The following MEOX2 variants were observed in gnomAD, a reference collection of about 807,000 sequenced individuals.
MEOX2 encodes the protein homeobox protein MOX-2.
MEOX2 carries 11 observed loss-of-function variants against 27.0 expected under a neutral mutation model. The ratio of observed to expected loss-of-function variants is 0.41; its 90% CI spans 0.26 to 0.68. The LOEUF (loss-of-function observed/expected upper bound fraction) is 0.68. Ranked by LOEUF, MEOX2 falls within the 30% of genes least tolerant of loss-of-function variation. The pLI is 0.33. For missense variants in MEOX2, 436 were observed against 385.4 expected (o/e 1.13, Z -1.10); for synonymous variants, 189 against 155.4 (o/e 1.22, Z -1.61).
chr7:15,628,480 A>G (rs902379899), intron 1 of MEOX2, among the ~76,000 whole-genome samples: 6 of 151,512 alleles, frequency 4.0e-5, no homozygotes, highest in Non-Finnish European at 7.4e-5. Context: ...ACTATCTAAA[A>G]CTCTTCATTC....
intron 1 of MEOX2, among the ~76,000 whole-genome samples, chr7:15,653,838 A>C (rs1023262188): frequency 6.6e-6 from 1 of 151,998 alleles, no homozygotes. Context: ...AATACATCAA[A>C]ATAGAATCCG....
intron 1 of MEOX2, among the ~76,000 whole-genome samples, chr7:15,675,682 C>A (rs770473048): frequency 3.3e-5 from 5 of 152,100 alleles, no homozygotes; most frequent in Middle Eastern, 3.2e-3. Context: ...TATTTTGATT[C>A]TAATCATCTG....
chr7:15,674,556 C>CTGTG (rs55995772), intron 1 of MEOX2, among the ~76,000 whole-genome samples: 61 of 135,618 alleles, frequency 4.5e-4, no homozygotes, highest in East Asian at 9.9e-4. Context: ...ATAAAAGATT[C>CTGTG]TGTGTGTGTG....
chr7:15,672,444 A>G (rs975366279), intron 1 of MEOX2, among the ~76,000 whole-genome samples: 1 of 152,236 alleles, frequency 6.6e-6, no homozygotes, highest in Non-Finnish European at 1.5e-5. Context: ...CAGTTTCCAA[A>G]TTCTTAAAAA....
intron 2 of MEOX2, among the ~76,000 whole-genome samples, chr7:15,614,865 A>G (rs1781098096): frequency 6.6e-6 from 1 of 152,114 alleles, no homozygotes; most frequent in Admixed American, 6.6e-5. Flanking sequence ...CAAAGACATA[A>G]TTATATCAGT....
At chr7:15,639,432 T>C (rs1215607021) in intron 1 of MEOX2, among the ~76,000 whole-genome samples, 1 of 152,130 alleles carries the variant, frequency 6.6e-6, no homozygotes, top group Admixed American at 6.6e-5. Context: ...CTAGGTTTTC[T>C]GATTATTCAA....
chr7:15,663,621 G>A (rs573283414), intron 1 of MEOX2, among the ~76,000 whole-genome samples: 1 of 152,220 alleles, frequency 6.6e-6, no homozygotes, highest in Admixed American at 6.5e-5. Context: ...TTACAGGCGT[G>A]AGCCACCGCG....
chr7:15,670,293 G>C (rs1191012978), intron 1 of MEOX2, among the ~76,000 whole-genome samples: 4 of 152,174 alleles, frequency 2.6e-5, no homozygotes, highest in African/African-American at 9.7e-5. Flanking sequence ...TTGGTTGATA[G>C]ATGCAAGAAT....
At chr7:15,673,585 A>T (rs1782141703) in intron 1 of MEOX2, among the ~76,000 whole-genome samples, 1 of 136,804 alleles carries the variant, frequency 7.3e-6, no homozygotes, top group Admixed American at 7.7e-5. Flanking sequence ...GAATAGACAT[A>T]AACAAGTCTA....
Position 15,686,241 on chromosome 7 carries a change from G to C in MEOX2, c.162C>G (p.Pro54=), listed in dbSNP as rs745725675. 2.7e-5 allele frequency: 44 copies of C among 1,612,604 alleles called. No individual in the cohort carries two copies. The highest frequency in any genetic ancestry group is 1.6e-5 in the Non-Finnish European group (19 of 1,179,412). The change falls in exon 1 of 3, where the codon CCC becomes CCG. Residue 54 remains proline, a synonymous_variant. Coordinates refer to ENST00000262041, the MANE Select transcript of MEOX2 (RefSeq NM_005924.5). ...SSSSCIIAGY[P]NEEGMFASQH... ...GGCTGGCAAACATGCCCTCTTCGTT[G>C]GGGTATCCCGCGATTATGCAAGATG...
At chr7:15,620,277 A>G (rs1562595170) in intron 2 of MEOX2, among the ~76,000 whole-genome samples, 1 of 152,184 alleles carries the variant, frequency 6.6e-6, no homozygotes, top group South Asian at 2.1e-4. Flanking sequence ...GAAATATTCT[A>G]AAGTGTGGCT....
chr7:15,668,932 G>A (rs1390678682), intron 1 of MEOX2, among the ~76,000 whole-genome samples: 2 of 152,048 alleles, frequency 1.3e-5, no homozygotes, highest in East Asian at 1.9e-4. Context: ...CTATACATAC[G>A]CAAACTATTT....
chr7:15,612,181 C>T lies in MEOX2; in HGVS notation c.*206G>A, dbSNP rs1344270835. On this transcript the variant is annotated 3_prime_UTR_variant, in exon 3 of 3. Coordinates refer to ENST00000262041, the MANE Select transcript of MEOX2 (RefSeq NM_005924.5). Reference sequence around the variant, plus strand: ...ATCTGGAATATTCAAAGCAAGTTCACCTTCTCCATCTTCACTGTGGAAGCT... The same window carrying T: ...ATCTGGAATATTCAAAGCAAGTTCATCTTCTCCATCTTCACTGTGGAAGCT... 1.7e-6 allele frequency: 1 copy of T among 590,722 alleles called. No homozygotes were observed. The highest frequency in any genetic ancestry group is 3.0e-6 in the Non-Finnish European group (1 of 332,530). The allele number at this position is 590,722 out of a possible 1,614,324, so 36.6% of individuals were successfully genotyped here.
rs924464418 is a variant in MEOX2 at position 15,686,001 on chromosome 7, C to G, written c.402G>C (p.Leu134Phe). Residue 134 changes from leucine (L) to phenylalanine (F), a missense_variant, in exon 1 of 3, where the codon TTG becomes TTC. Leu to Phe is a conservative substitution (Grantham distance 22). Coordinates refer to ENST00000262041, the MANE Select transcript of MEOX2 (RefSeq NM_005924.5). ...PPVLCSNSSSLGSSTPTGAAC... is the reference protein window; with the variant it reads ...PPVLCSNSSSFGSSTPTGAAC... ...CGGCCCCAGTCGGGGTGCTGGAGCCCAAGCTGGAAGAGTTGGAGCACAGGA... is the reference window on the plus strand; with the variant it reads ...CGGCCCCAGTCGGGGTGCTGGAGCCGAAGCTGGAAGAGTTGGAGCACAGGA... 6.8e-6 allele frequency: 11 copies of G among 1,609,100 alleles called. No homozygotes were observed. The highest frequency in any genetic ancestry group is 2.2e-5 in the East Asian group (1 of 44,836).
chr7:15,618,693 A>T, intron 2 of MEOX2, among the ~76,000 whole-genome samples: 1 of 152,024 alleles, frequency 6.6e-6, no homozygotes, highest in Admixed American at 6.6e-5. Flanking sequence ...TATTAATATT[A>T]AATTAATATT....
Position 15,617,102 on chromosome 7 carries a change from C to T in MEOX2, c.691-4491G>A, listed in dbSNP as rs570837512. 3.9e-5 allele frequency among the ~76,000 whole-genome samples: 6 copies of T among 152,060 alleles called. No individual in the cohort carries two copies. The South Asian group carries it at 1.2e-3, about 32-fold the overall frequency. ...GATAGAAAGTTGAATCTATATAATG[C>T]AATAACCCATATTTATGTAACACCA... On this transcript the variant is annotated intron_variant, in intron 2 of 2. Coordinates refer to ENST00000262041, the MANE Select transcript of MEOX2 (RefSeq NM_005924.5).
intron 1 of MEOX2, among the ~76,000 whole-genome samples, chr7:15,638,669 TA>T (rs2115368951): frequency 6.6e-6 from 1 of 152,188 alleles, no homozygotes; most frequent in African/African-American, 2.4e-5. Flanking sequence ...CAGGGTCTAT[TA>T]TTTCCATCTT....
At chr7:15,615,321 G>C (rs1781104664) in intron 2 of MEOX2, among the ~76,000 whole-genome samples, 1 of 151,934 alleles carries the variant, frequency 6.6e-6, no homozygotes, top group Non-Finnish European at 1.5e-5. Context: ...TTAAACGTGA[G>C]GGCTGGGGTT....
intron 1 of MEOX2, among the ~76,000 whole-genome samples, chr7:15,630,457 T>C (rs1315307515): frequency 6.6e-6 from 1 of 152,054 alleles, no homozygotes; most frequent in Non-Finnish European, 1.5e-5. Flanking sequence ...AAAAGTACGA[T>C]TGAGAATATT....
Sources: allele counts gnomAD v4.1 joint callset (sites outside exome capture counted in the v4.1 genomes callset), GRCh38; gene constraint gnomAD v4.1.1; transcripts MANE v1.5; gene names NCBI Gene and HGNC (gene_info 2026-07-23, HGNC 2026-07-21).